SYNE2: variants seen among roughly 807,000 people sequenced by gnomAD.
SYNE2 encodes nesprin-2.
In SYNE2, 431 loss-of-function variants were observed where a neutral mutation model predicts 856.3. The observed-to-expected ratio is 0.50, with a 90% CI of 0.47 to 0.55. The LOEUF is 0.55. Among genes scored for constraint, SYNE2 ranks in the 20% least tolerant of loss-of-function variants. The pLI, the probability that SYNE2 is intolerant of heterozygous loss-of-function variation, is 0.00. For synonymous variants in SYNE2, 2,923 were observed against 2,872.3 expected (o/e 1.02, Z -0.56); for missense variants, 8,129 against 8,023.2 (o/e 1.01, Z -0.50).
intron 14 of SYNE2, among the ~76,000 whole-genome samples, chr14:63,979,667 C>G (rs2096570885): frequency 6.6e-6 from 1 of 152,248 alleles, no homozygotes; most frequent in Non-Finnish European, 1.5e-5. Context: ...AATCCCAACA[C>G]ATTGGGAGGC....
intron 41 of SYNE2, 69 bp downstream of exon 41, chr14:64,025,490 CTG>C: frequency 4.8e-6 from 7 of 1,460,814 alleles, no homozygotes; most frequent in Non-Finnish European, 6.6e-6. Flanking sequence ...TAGAGGAAAA[CTG>C]TAAAGATGTG....
At chr14:63,819,764 C>A (rs940805205) in intron 1 of SYNE2, among the ~76,000 whole-genome samples, 1 of 151,938 alleles carries the variant, frequency 6.6e-6, no homozygotes, top group Admixed American at 6.6e-5. Flanking sequence ...TCTCGATCTC[C>A]TGACCTCGTG....
At chr14:64,144,995 C>T (rs2098169991) in intron 83 of SYNE2, among the ~76,000 whole-genome samples, 1 of 147,226 alleles carries the variant, frequency 6.8e-6, no homozygotes, top group Non-Finnish European at 1.5e-5. Context: ...GGCGCGATCT[C>T]GGCTCACTGC....
At chr14:64,098,672 A>C in intron 62 of SYNE2, 75 bp from the exon 63 acceptor site, 1 of 1,493,034 alleles carries the variant, frequency 6.7e-7, no homozygotes, top group Non-Finnish European at 9.3e-7. Context: ...GCTACATAAA[A>C]ATGCAGCTGG....
Position 64,162,053 on chromosome 14 carries a change from A to T in SYNE2, c.16095-19A>T. Reference sequence around the variant, plus strand: ...GAAAGGAGAGAATGAGGGTTATGTTATTTGCGTTGCACTGACAGGTGGACT... The same window carrying T: ...GAAAGGAGAGAATGAGGGTTATGTTTTTTGCGTTGCACTGACAGGTGGACT... On this transcript the variant is annotated intron_variant, in intron 87 of 115. Coordinates refer to ENST00000555002, the MANE Select transcript of SYNE2 (RefSeq NM_182914.3). 1 of 1,614,050 alleles carries T rather than the reference A, an allele frequency of 6.2e-7. No individual in the cohort carries two copies. The highest frequency in any genetic ancestry group is 1.1e-5 in the South Asian group (1 of 91,056).
chr14:64,121,087 G>T, intron 68 of SYNE2, 26 bp downstream of exon 68: 1 of 1,613,510 alleles, frequency 6.2e-7, no homozygotes, highest in South Asian at 1.1e-5. Context: ...AACAGTTGTA[G>T]GGACTAGAAT....
chr14:63,827,638 A>AAC (rs1566592943), intron 1 of SYNE2, among the ~76,000 whole-genome samples: 35 of 102,148 alleles, frequency 3.4e-4, no homozygotes, highest in Admixed American at 6.1e-4. Context: ...AAAAAAAAAA[A>AAC]AAAAAAAAAA....
Position 64,107,618 on chromosome 14 carries a change from G to T in SYNE2, c.12609+11G>T. 6.2e-7 allele frequency: 1 copy of T among 1,607,150 alleles called. No individual in the cohort carries two copies. The highest frequency in any genetic ancestry group is 8.5e-7 in the Non-Finnish European group (1 of 1,173,620). ...AACCAAACAGAAGAGGTAAGTCCTG[G>T]TTGGTAATAAGTAAACTGCTCAGAT... is the stretch of plus-strand genomic sequence containing the variant. On this transcript the variant is annotated intron_variant, in intron 65 of 115. Coordinates refer to ENST00000555002, the MANE Select transcript of SYNE2 (RefSeq NM_182914.3).
chr14:64,052,349 GA>G lies in SYNE2; in HGVS notation c.8438del (p.Asn2813IlefsTer8). On this transcript the variant is annotated frameshift_variant, in exon 48 of 116. Transcript: ENST00000555002. LOFTEE classifies it high-confidence loss of function. Reference protein sequence around the residue: ...DLNNTLEDLRNQYQMLVLKST... With the variant: ...DLNNTLEDLRXQYQMLVLKST... ...TAAATAATACCCTAGAGGACTTACG[GA>G]ATCAATACCAAATGCTGGTTTTAAA... The G allele has an allele frequency of 6.2e-7, 1 of 1,614,100 alleles. No homozygotes were observed.
chr14:63,894,462 T>TTCGC, intron 1 of SYNE2, among the ~76,000 whole-genome samples: 1 of 152,200 alleles, frequency 6.6e-6, no homozygotes, highest in East Asian at 1.9e-4. Context: ...CCTCAGGGGA[T>TTCGC]CCTCCTGCCG....
intron 1 of SYNE2, among the ~76,000 whole-genome samples, chr14:63,807,678 T>G (rs1316215515): frequency 2.0e-5 from 3 of 149,572 alleles, no homozygotes; most frequent in Non-Finnish European, 4.5e-5. Context: ...ACCATTTTTT[T>G]TTTTGAAACA....
intron 45 of SYNE2, among the ~76,000 whole-genome samples, chr14:64,038,387 C>A (rs904024923): frequency 6.6e-5 from 10 of 151,690 alleles, no homozygotes; most frequent in African/African-American, 1.9e-4. Context: ...GGCTCCTCAC[C>A]TCCCAGACGA....
chr14:63,793,769 C>T (rs528247779), intron 1 of SYNE2, among the ~76,000 whole-genome samples: 14 of 140,186 alleles, frequency 1.0e-4, no homozygotes, highest in Non-Finnish European at 1.7e-4. Flanking sequence ...AGGCCCCCCC[C>T]CAACTAAAAA....
intron 84 of SYNE2, among the ~76,000 whole-genome samples, chr14:64,150,291 CAAAAAAAAA>C (rs773488742): frequency 0.3 from 10,534 of 35,402 alleles, 701 homozygotes; most frequent in East Asian, 0.5. Context: ...GATTCTCTCT[CAAAAAAAAA>C]AAAAAAAAAA....
At chr14:63,860,854 C>T (rs933365652) in intron 1 of SYNE2, among the ~76,000 whole-genome samples, 1 of 152,148 alleles carries the variant, frequency 6.6e-6, no homozygotes, top group Non-Finnish European at 1.5e-5. Flanking sequence ...GAGGAACATG[C>T]AATCAGTGGG....
At chr14:63,966,400 G>C (rs1334233998) in intron 10 of SYNE2, among the ~76,000 whole-genome samples, 2 of 151,936 alleles carry the variant, frequency 1.3e-5, no homozygotes, top group South Asian at 2.1e-4. Flanking sequence ...GTGCACTCCT[G>C]TAGTGCCAGC....
At chr14:63,905,378 T>G (rs1215961253) in intron 1 of SYNE2, among the ~76,000 whole-genome samples, 2 of 152,124 alleles carry the variant, frequency 1.3e-5, no homozygotes, top group Non-Finnish European at 2.9e-5. Context: ...TGGCATTGAA[T>G]TTGTAAATTG....
intron 96 of SYNE2, among the ~76,000 whole-genome samples, chr14:64,183,792 T>G (rs544029497): frequency 7.2e-5 from 11 of 152,090 alleles, no homozygotes; most frequent in African/African-American, 2.7e-4. Context: ...GGCGTGCGCC[T>G]GCAATCCCAG....
At chr14:63,970,651 C>CTTTTTTTTTTTTTTTTTTTTTTTTTTCT (rs61126600) in intron 11 of SYNE2, among the ~76,000 whole-genome samples, 1 of 98,888 alleles carries the variant, frequency 1.0e-5, no homozygotes, top group Non-Finnish European at 1.9e-5. Context: ...TTTCTTTTTT[C>CTTTTTTTTTTTTTTTTTTTTTTTTTTCT]TTTTTTTTTT....
Sources: allele counts gnomAD v4.1 joint callset (sites outside exome capture counted in the v4.1 genomes callset), GRCh38; gene constraint gnomAD v4.1.1; transcripts MANE v1.5; gene names NCBI Gene and HGNC (gene_info 2026-07-23, HGNC 2026-07-21).